SLC24A2: variants seen among roughly 807,000 people sequenced by gnomAD.
SLC24A2 encodes sodium/potassium/calcium exchanger 2.
In SLC24A2, 36 loss-of-function variants were observed where a neutral mutation model predicts 62.0. The observed-to-expected ratio is 0.58, with a 90% CI of 0.44 to 0.77. SLC24A2 has a LOEUF of 0.77. Among genes scored for constraint, SLC24A2 ranks in the 30% least tolerant of loss-of-function variants. The pLI is 0.00. For synonymous variants in SLC24A2, 358 were observed against 294.0 expected, an observed-to-expected ratio of 1.22 and a Z score of -2.23; for missense variants, 846 against 817.9, an observed-to-expected ratio of 1.03 and a Z score of -0.42.
the SLC24A2 span, among the ~76,000 whole-genome samples, chr9:20,170,033 A>G: frequency 6.6e-6 from 1 of 152,046 alleles, no homozygotes; most frequent in Non-Finnish European, 1.5e-5. Context: ...AGAAATGCAA[A>G]ATACTCTGGA....
the SLC24A2 span, among the ~76,000 whole-genome samples, chr9:20,213,330 T>C: frequency 6.6e-6 from 1 of 151,732 alleles, no homozygotes; most frequent in African/African-American, 2.4e-5. Context: ...GAAGTCAAAT[T>C]ACATCAGACA....
In SLC24A2 at chr9:19,510,336, A is replaced by G. The variant is rs1050098881; in HGVS notation, c.*5817T>C. 2 of 151,956 alleles carry G rather than the reference A, an allele frequency of 1.3e-5. No homozygotes were observed. The highest frequency in any genetic ancestry group is 2.4e-5 in the African/African-American group (1 of 41,370). 9.4% of individuals were successfully genotyped at this position (151,956 alleles called of 1,614,324 possible). ...GGGTTAAAGACTCAAATAAAAATCT[A>G]AAGATAATTTTAATTGAAAATAGGT... is the stretch of plus-strand genomic sequence containing the variant. On this transcript the variant is annotated 3_prime_UTR_variant, in exon 11 of 11. Transcript: ENST00000341998.
chr9:20,007,796 G>A, the SLC24A2 span, among the ~76,000 whole-genome samples: 1,788 of 148,368 alleles, frequency 0.012, 34 homozygotes, highest in African/African-American at 0.041. Flanking sequence ...GTCCTCTTCT[G>A]CAGCACAAGC....
the SLC24A2 span, among the ~76,000 whole-genome samples, chr9:20,034,167 G>C: frequency 6.6e-6 from 1 of 151,886 alleles, no homozygotes; most frequent in Admixed American, 6.6e-5. Flanking sequence ...CTTCCTGCTT[G>C]ATTATCTACA....
chr9:20,147,363 T>A, the SLC24A2 span, among the ~76,000 whole-genome samples: 1 of 152,156 alleles, frequency 6.6e-6, no homozygotes, highest in Admixed American at 6.6e-5. Context: ...AGGAAAACCA[T>A]GTGGTAATGT....
chr9:20,102,087 C>T, the SLC24A2 span, among the ~76,000 whole-genome samples: 185 of 152,284 alleles, frequency 1.2e-3, 1 homozygote, highest in African/African-American at 4.2e-3. Context: ...CATGATCAAA[C>T]CTTGGGTACT....
the SLC24A2 span, among the ~76,000 whole-genome samples, chr9:20,262,653 C>G: frequency 2.0e-5 from 3 of 152,192 alleles, no homozygotes; most frequent in African/African-American, 7.2e-5. Flanking sequence ...AGCATTATCT[C>G]ATTTCATATT....
At chr9:19,965,642 A>G in the SLC24A2 span, among the ~76,000 whole-genome samples, 2 of 152,166 alleles carry the variant, frequency 1.3e-5, no homozygotes, top group Non-Finnish European at 2.9e-5. Flanking sequence ...CCATAGTCAA[A>G]ATAGCTATGA....
chr9:20,112,678 T>C, the SLC24A2 span, among the ~76,000 whole-genome samples: 2 of 152,016 alleles, frequency 1.3e-5, no homozygotes, highest in Non-Finnish European at 2.9e-5. Context: ...TTCTGTAGGG[T>C]CTGTGTCAGC....
the SLC24A2 span, among the ~76,000 whole-genome samples, chr9:19,821,329 A>G: frequency 1.3e-5 from 2 of 152,086 alleles, no homozygotes; most frequent in African/African-American, 4.8e-5. Context: ...CAGTGTCTTC[A>G]TTTTGTTTAA....
the SLC24A2 span, among the ~76,000 whole-genome samples, chr9:20,202,038 A>G: frequency 4.8e-5 from 7 of 146,494 alleles, no homozygotes; most frequent in South Asian, 4.4e-4. Flanking sequence ...TAGCCAGCCA[A>G]TCCCATTTCA....
chr9:20,182,043 G>A, the SLC24A2 span, among the ~76,000 whole-genome samples: 10 of 152,286 alleles, frequency 6.6e-5, no homozygotes, highest in South Asian at 2.1e-3. Context: ...ATCATCACTG[G>A]TTATTACAGA....
At chr9:20,113,229 G>A in the SLC24A2 span, among the ~76,000 whole-genome samples, 1 of 152,094 alleles carries the variant, frequency 6.6e-6, no homozygotes, top group African/African-American at 2.4e-5. Context: ...CAGGCAGCAT[G>A]GCATGGTGAT....
chr9:19,854,886 G>C, the SLC24A2 span, among the ~76,000 whole-genome samples: 1 of 152,158 alleles, frequency 6.6e-6, no homozygotes, highest in Non-Finnish European at 1.5e-5. Flanking sequence ...TATTGACAGT[G>C]GGGTGTTAAA....
At chr9:20,020,942 G>T in the SLC24A2 span, among the ~76,000 whole-genome samples, 28 of 152,010 alleles carry the variant, frequency 1.8e-4, no homozygotes, top group Non-Finnish European at 3.4e-4. Flanking sequence ...CTTTTCTACT[G>T]GTCTTTATGT....
At chr9:19,878,441 G>GA in the SLC24A2 span, among the ~76,000 whole-genome samples, 3 of 152,142 alleles carry the variant, frequency 2.0e-5, no homozygotes, top group Non-Finnish European at 2.9e-5. Flanking sequence ...AAGCAGAATA[G>GA]AAATAATTAA....
At chr9:20,085,129 G>C in the SLC24A2 span, among the ~76,000 whole-genome samples, 12 of 152,140 alleles carry the variant, frequency 7.9e-5, no homozygotes, top group Non-Finnish European at 1.6e-4. Flanking sequence ...CAGAGTAGCT[G>C]GGACTACAGG....
chr9:20,265,073 C>T, the SLC24A2 span, among the ~76,000 whole-genome samples: 1 of 152,260 alleles, frequency 6.6e-6, no homozygotes, highest in African/African-American at 2.4e-5. Flanking sequence ...GAAGCAGCCT[C>T]CTGCTAAATG....
At chr9:19,818,632 C>T in the SLC24A2 span, among the ~76,000 whole-genome samples, 1 of 151,894 alleles carries the variant, frequency 6.6e-6, no homozygotes, top group African/African-American at 2.4e-5. Flanking sequence ...TAGAAATATA[C>T]CTAACCAAGG....
Sources: allele counts gnomAD v4.1 joint callset (sites outside exome capture counted in the v4.1 genomes callset), GRCh38; gene constraint gnomAD v4.1.1; transcripts MANE v1.5; gene names NCBI Gene and HGNC (gene_info 2026-07-23, HGNC 2026-07-21).